ITCH: variants seen among roughly 807,000 people sequenced by gnomAD.
The protein encoded by ITCH is E3 ubiquitin-protein ligase Itchy homolog.
A neutral mutation model predicts 126.8 loss-of-function variants in ITCH; 28 were observed. The observed-to-expected ratio is 0.22, with a 90% CI of 0.16 to 0.30. The LOEUF is 0.30. Among genes scored for constraint, ITCH ranks in the 10% least tolerant of loss-of-function variants. The probability of loss-of-function intolerance (pLI) is 1.00; values close to 1 mark genes in which losing one functional copy is unlikely to be tolerated. For synonymous variants in ITCH, 342 were observed against 340.0 expected, an observed-to-expected ratio of 1.01 and a Z score of -0.06; for missense variants, 631 against 1,032.4, an observed-to-expected ratio of 0.61 and a Z score of 5.33.
At chr20:34,406,866 C>T (rs370579229) in intron 3 of ITCH, among the ~76,000 whole-genome samples, 2 of 152,152 alleles carry the variant, frequency 1.3e-5, no homozygotes, top group African/African-American at 4.8e-5. Context: ...ACTATATAAA[C>T]TCCTCTGACA....
At chr20:34,368,857 A>G (rs1167923835) in intron 1 of ITCH, among the ~76,000 whole-genome samples, 1 of 152,062 alleles carries the variant, frequency 6.6e-6, no homozygotes, top group African/African-American at 2.4e-5. Flanking sequence ...GGCCATCCTC[A>G]TTTTGCCAGA....
chr20:34,405,634 A>G (rs147092457), intron 3 of ITCH, among the ~76,000 whole-genome samples: 140 of 152,346 alleles, frequency 9.2e-4, no homozygotes, highest in African/African-American at 3.2e-3. Flanking sequence ...GCCCTGAAAT[A>G]TAATGAGTGT....
At chr20:34,368,671 C>T (rs1255817475) in intron 1 of ITCH, among the ~76,000 whole-genome samples, 1 of 152,176 alleles carries the variant, frequency 6.6e-6, no homozygotes, top group Non-Finnish European at 1.5e-5. Context: ...CTCTATCCTC[C>T]TCCAGTCTAG....
chr20:34,407,335 C>T (rs1206234210), intron 3 of ITCH, among the ~76,000 whole-genome samples: 4 of 152,072 alleles, frequency 2.6e-5, no homozygotes, highest in African/African-American at 7.2e-5. Context: ...GGCATAATCT[C>T]GGCTCACTGC....
At chr20:34,495,974 T>C (rs989551960) in intron 23 of ITCH, among the ~76,000 whole-genome samples, 2 of 148,882 alleles carry the variant, frequency 1.3e-5, no homozygotes, top group Admixed American at 1.3e-4. Flanking sequence ...GGTACACGCC[T>C]GTAATCCCAG....
chr20:34,482,742 C>G (rs1445510352), intron 20 of ITCH, among the ~76,000 whole-genome samples: 4 of 152,110 alleles, frequency 2.6e-5, no homozygotes, highest in Admixed American at 1.3e-4. Context: ...GGACGGTTGC[C>G]CTCTTCTCAC....
chr20:34,425,696 T>G (rs1293788475), intron 7 of ITCH, among the ~76,000 whole-genome samples: 1 of 152,246 alleles, frequency 6.6e-6, no homozygotes, highest in Non-Finnish European at 1.5e-5. Context: ...GTACCTTTCC[T>G]TGAACGTATT....
chr20:34,448,929 C>A (rs1457238268), intron 11 of ITCH, among the ~76,000 whole-genome samples: 1 of 152,146 alleles, frequency 6.6e-6, no homozygotes, highest in African/African-American at 2.4e-5. Flanking sequence ...TCCTTCCACT[C>A]ATCTGGCAGC....
At chr20:34,464,868 G>A (rs763309946) in intron 14 of ITCH, among the ~76,000 whole-genome samples, 11 of 151,844 alleles carry the variant, frequency 7.2e-5, no homozygotes, top group Non-Finnish European at 1.2e-4. Flanking sequence ...GCACCAACAC[G>A]CCTGGCTAAT....
At chr20:34,414,023 A>C in intron 6 of ITCH, 144 bp downstream of exon 6, 1 of 678,310 alleles carries the variant, frequency 1.5e-6, no homozygotes, top group Non-Finnish European at 2.5e-6. Flanking sequence ...CACGCCTCTA[A>C]TCCCAGCACT....
chr20:34,407,555 C>T (rs943854564), intron 3 of ITCH, among the ~76,000 whole-genome samples: 2 of 152,172 alleles, frequency 1.3e-5, no homozygotes, highest in Admixed American at 6.5e-5. Flanking sequence ...AGATGTGAGC[C>T]GCTGCGCCCA....
At chr20:34,380,679 G>A (rs947164389) in intron 2 of ITCH, among the ~76,000 whole-genome samples, 2 of 141,356 alleles carry the variant, frequency 1.4e-5, no homozygotes, top group Non-Finnish European at 3.0e-5. Flanking sequence ...TCAAACTCCT[G>A]GGCTCAGGTG....
Position 34,479,636 on chromosome 20 carries a change from GTTCT to G in ITCH, c.1672_1675del (p.Leu558CysfsTer6), listed in dbSNP as rs1988546574. 2 of 1,613,494 alleles carry G rather than the reference GTTCT, an allele frequency of 1.2e-6. No homozygotes were observed. Among genetic ancestry groups the G allele is most frequent in the Admixed American group, 1.7e-5 (1 of 59,974 alleles). ...AATTTTCTTTTGATTTCAGAGAATG[GTTCT>G]TTCTTTTGTCACATGAAGTGTTGAA... On this transcript the variant is annotated frameshift_variant, in exon 18 of 25. Coordinates refer to ENST00000374864, the MANE Select transcript of ITCH (RefSeq NM_031483.7). LOFTEE classifies it high-confidence loss of function.
Position 34,372,505 on chromosome 20 carries a change from T to C in ITCH, c.-22+3035T>C, listed in dbSNP as rs555037592. ...AAGCAATTCTCCTGCCTCAGCCTCC[T>C]GAGTAGCTGGGATTACAGGCACCCG... On this transcript the variant is annotated intron_variant, in intron 2 of 24. Transcript: ENST00000374864. Among the ~76,000 whole-genome samples the C allele has an allele frequency of 5.8e-4, 85 of 147,440 alleles. 1 individual carries two copies. The South Asian group carries it at 0.017, about 29-fold the overall frequency.
At chr20:34,490,519 T>C (rs1235823496) in intron 22 of ITCH, among the ~76,000 whole-genome samples, 6 of 152,288 alleles carry the variant, frequency 3.9e-5, no homozygotes, top group Middle Eastern at 3.4e-3. Context: ...GGCACATGCC[T>C]GTAATCCCAG....
chr20:34,476,543 C>T (rs748792494), intron 16 of ITCH: 7 of 922,180 alleles, frequency 7.6e-6, no homozygotes, highest in Non-Finnish European at 9.7e-6. Context: ...TTCTCATTTG[C>T]GTTGCTGTAT....
intron 10 of ITCH, among the ~76,000 whole-genome samples, chr20:34,442,699 C>T (rs927985992): frequency 5.4e-5 from 8 of 149,516 alleles, no homozygotes; most frequent in African/African-American, 9.8e-5. Flanking sequence ...GTGGGCTGGG[C>T]GCAGTGGCTC....
At chr20:34,401,507 A>G (rs766673689) in intron 3 of ITCH, 3 of 248,054 alleles carry the variant, frequency 1.2e-5, no homozygotes, top group Non-Finnish European at 1.9e-5. Context: ...TACTTTCACA[A>G]GTTTCATCAA....
intron 2 of ITCH, among the ~76,000 whole-genome samples, chr20:34,377,381 A>G (rs185251404): frequency 5.3e-5 from 8 of 152,208 alleles, no homozygotes; most frequent in African/African-American, 1.9e-4. Flanking sequence ...CTCAAAAAGA[A>G]AAAACCACCA....
Sources: gnomAD v4.1 joint callset for allele counts (sites outside exome capture counted in the v4.1 genomes callset) on GRCh38, gnomAD v4.1.1 for gene constraint, MANE v1.5 for transcripts, NCBI Gene and HGNC (gene_info 2026-07-23, HGNC 2026-07-21) for gene names.